FHOD3: variants seen among roughly 807,000 people sequenced by gnomAD.
FHOD3 encodes formin homology 2 domain containing 3, also known as FH1/FH2 domain-containing protein 3.
A neutral mutation model predicts 173.0 loss-of-function variants in FHOD3; 90 were observed. That is an observed-to-expected ratio of 0.52 (90% confidence interval 0.44 to 0.62). FHOD3 has a LOEUF of 0.62. Ranked by LOEUF, FHOD3 falls within the 20% of genes least tolerant of loss-of-function variation. The pLI is 0.00. For synonymous variants in FHOD3, 828 were observed against 823.0 expected (o/e 1.01, Z -0.10); for missense variants, 1,945 against 2,034.7 (o/e 0.96, Z 0.85).
Position 36,672,373 on chromosome 18 carries a change from C to T in FHOD3, c.1836-9063C>T, listed in dbSNP as rs531953539. 1.1e-4 allele frequency among the ~76,000 whole-genome samples: 17 copies of T among 152,260 alleles called. No individual in the cohort carries two copies. In the South Asian group the frequency reaches 2.3e-3, roughly 20 times the overall value. On this transcript the variant is annotated intron_variant, in intron 14 of 28. Coordinates refer to ENST00000590592, the MANE Select transcript of FHOD3 (RefSeq NM_001281740.3). ...TGGCCAGGCTCACCTTGAAAAATTACTCTGGTCTGAGCCGGGTTAACTTGT... is the reference window on the plus strand; with the variant it reads ...TGGCCAGGCTCACCTTGAAAAATTATTCTGGTCTGAGCCGGGTTAACTTGT...
At position 36,616,218 on chromosome 18, in the gene FHOD3, C is replaced by T. The variant is rs59720483; in HGVS notation, c.957+4123C>T. Among the ~76,000 whole-genome samples, 80 of 152,314 alleles carry T rather than the reference C, an allele frequency of 5.3e-4. 1 individual carries two copies. The East Asian group carries it at 9.3e-3, about 18-fold the overall frequency. ...CAGCACAGATATTTCCTTCCCTTAG[C>T]CCCCTCACCACCACGATCGGAACTC... On this transcript the variant is annotated intron_variant, in intron 9 of 28. Transcript: ENST00000590592.
At chr18:36,657,145 C>T (rs1202226690) in intron 13 of FHOD3, among the ~76,000 whole-genome samples, 2 of 152,190 alleles carry the variant, frequency 1.3e-5, no homozygotes, top group Non-Finnish European at 2.9e-5. Context: ...CTCTTTGTGT[C>T]CTTATAGTGA....
chr18:36,601,535 T>A (rs1386927240), intron 7 of FHOD3, among the ~76,000 whole-genome samples: 1 of 152,156 alleles, frequency 6.6e-6, no homozygotes, highest in African/African-American at 2.4e-5. Flanking sequence ...GGCACTGTCC[T>A]AAGGGCATGG....
At chr18:36,652,330 C>T (rs997200699) in intron 11 of FHOD3, among the ~76,000 whole-genome samples, 8 of 152,218 alleles carry the variant, frequency 5.3e-5, no homozygotes, top group African/African-American at 1.9e-4. Context: ...GAGCCACCTC[C>T]TTGCCCTCTA....
intron 3 of FHOD3, among the ~76,000 whole-genome samples, chr18:36,466,872 T>C (rs1048525683): frequency 6.6e-6 from 1 of 151,980 alleles, no homozygotes; most frequent in African/African-American, 2.4e-5. Flanking sequence ...TTTTAGCTTT[T>C]TTTTTTTTGG....
intron 3 of FHOD3, among the ~76,000 whole-genome samples, chr18:36,381,345 C>CA (rs1212910495): frequency 4.0e-4 from 61 of 152,350 alleles, no homozygotes; most frequent in African/African-American, 1.4e-3. Flanking sequence ...AGCCAGGCTG[C>CA]AGATGCCTAG....
At chr18:36,503,969 G>A (rs1283035473) in intron 4 of FHOD3, among the ~76,000 whole-genome samples, 1 of 152,180 alleles carries the variant, frequency 6.6e-6, no homozygotes, top group Non-Finnish European at 1.5e-5. Context: ...CTGTCACCCA[G>A]GCTGGAGTTA....
At chr18:36,475,881 A>G (rs986650489) in intron 3 of FHOD3, among the ~76,000 whole-genome samples, 8 of 152,142 alleles carry the variant, frequency 5.3e-5, no homozygotes, top group African/African-American at 1.9e-4. Context: ...TTTGTAATCA[A>G]GAACAGCTAC....
At chr18:36,509,424 C>T (rs1375477938) in intron 4 of FHOD3, among the ~76,000 whole-genome samples, 1 of 84,462 alleles carries the variant, frequency 1.2e-5, no homozygotes, top group Admixed American at 1.2e-4. Flanking sequence ...AAGACTCCAT[C>T]TCAAAAAAAA....
chr18:36,740,903 T>C (rs2041871077), intron 21 of FHOD3, 65 bp downstream of exon 21: 6 of 1,479,870 alleles, frequency 4.1e-6, no homozygotes, highest in East Asian at 2.3e-5. Context: ...CAGTTTTTCA[T>C]TGATCAGTAC....
intron 3 of FHOD3, among the ~76,000 whole-genome samples, chr18:36,439,848 A>G (rs1223404325): frequency 6.6e-6 from 1 of 152,074 alleles, no homozygotes; most frequent in Non-Finnish European, 1.5e-5. Flanking sequence ...CAGAGAAAGC[A>G]TTTGCCCTCT....
At chr18:36,461,170 C>T (rs866043196) in intron 3 of FHOD3, among the ~76,000 whole-genome samples, 4 of 152,206 alleles carry the variant, frequency 2.6e-5, no homozygotes, top group African/African-American at 9.6e-5. Context: ...TGCTCTGGGG[C>T]CAGCCTGCTC....
intron 16 of FHOD3, among the ~76,000 whole-genome samples, chr18:36,691,782 C>T (rs948829448): frequency 6.6e-6 from 1 of 152,240 alleles, no homozygotes; most frequent in African/African-American, 2.4e-5. Flanking sequence ...GGTGGGGTGC[C>T]ACTCTGCAGG....
intron 14 of FHOD3, among the ~76,000 whole-genome samples, chr18:36,664,791 A>AGAGAGAGAGAGG: frequency 6.7e-6 from 1 of 148,190 alleles, no homozygotes; most frequent in African/African-American, 2.6e-5. Flanking sequence ...AGAGAGAGAG[A>AGAGAGAGAGAGG]GAGAGAGAGA....
chr18:36,705,947 CTGTGTG>C (rs3222016), intron 17 of FHOD3, among the ~76,000 whole-genome samples: 3,510 of 142,746 alleles, frequency 0.025, 59 homozygotes, highest in South Asian at 0.039. Context: ...TCAGAAGGAA[CTGTGTG>C]TGTGTGTGTG....
chr18:36,578,658 C>G (rs2058742293), intron 6 of FHOD3, among the ~76,000 whole-genome samples: 1 of 152,178 alleles, frequency 6.6e-6, no homozygotes, highest in Non-Finnish European at 1.5e-5. Context: ...TTCTGCTGTC[C>G]TTTGGGAGCA....
At chr18:36,340,668 G>A (rs1186688202) in intron 1 of FHOD3, among the ~76,000 whole-genome samples, 1 of 144,274 alleles carries the variant, frequency 6.9e-6, no homozygotes, top group Non-Finnish European at 1.5e-5. Flanking sequence ...ACAGAATCTT[G>A]CTCTGTCACC....
intron 1 of FHOD3, among the ~76,000 whole-genome samples, chr18:36,310,027 A>G (rs544575623): frequency 3.9e-5 from 6 of 152,354 alleles, no homozygotes; most frequent in Admixed American, 6.5e-5. Context: ...AACTCAGCAC[A>G]TGGCTTCTGT....
intron 10 of FHOD3, among the ~76,000 whole-genome samples, chr18:36,640,322 T>A (rs2035215118): frequency 6.6e-6 from 1 of 152,234 alleles, no homozygotes; most frequent in Non-Finnish European, 1.5e-5. Flanking sequence ...AACAAAACTC[T>A]ACTTTTAAGT....
Sources: allele counts gnomAD v4.1 joint callset (sites outside exome capture counted in the v4.1 genomes callset), GRCh38; gene constraint gnomAD v4.1.1; transcripts MANE v1.5; gene names NCBI Gene and HGNC (gene_info 2026-07-23, HGNC 2026-07-21).